FGF12: variants seen among roughly 807,000 people sequenced by gnomAD.
FGF12 encodes the protein fibroblast growth factor 12B.
FGF12 carries 14 observed loss-of-function variants against 23.6 expected under a neutral mutation model. The observed-to-expected ratio is 0.59, with a 90% CI of 0.39 to 0.93. The LOEUF is 0.93. Ranked by LOEUF, FGF12 falls within the 40% of genes least tolerant of loss-of-function variation. The pLI is 0.00. For synonymous variants in FGF12, 62 were observed against 77.3 expected, an observed-to-expected ratio of 0.80 and a Z score of 1.04; for missense variants, 175 against 217.8, an observed-to-expected ratio of 0.80 and a Z score of 1.24.
intron 4 of FGF12, among the ~76,000 whole-genome samples, chr3:192,213,987 G>A (rs556692690): frequency 6.6e-6 from 1 of 152,116 alleles, no homozygotes; most frequent in Non-Finnish European, 1.5e-5. Flanking sequence ...AAAGGGAGGG[G>A]CTTTTTTTTA....
intron 2 of FGF12, among the ~76,000 whole-genome samples, chr3:192,569,616 G>A (rs527251921): frequency 6.6e-6 from 1 of 152,316 alleles, no homozygotes; most frequent in East Asian, 1.9e-4. Context: ...GGGAACTGAA[G>A]TAAGATTTAT....
At chr3:192,393,337 T>A (rs947673504) in intron 2 of FGF12, among the ~76,000 whole-genome samples, 12 of 152,206 alleles carry the variant, frequency 7.9e-5, no homozygotes, top group African/African-American at 2.9e-4. Context: ...CTCAACTCAC[T>A]TGTAAATAGG....
chr3:192,662,454 T>C (rs1232633888), intron 2 of FGF12, among the ~76,000 whole-genome samples: 1 of 152,176 alleles, frequency 6.6e-6, no homozygotes, highest in Non-Finnish European at 1.5e-5. Context: ...TAAAATGCTC[T>C]TTCTCAGGGA....
chr3:192,273,870 A>G lies in FGF12; in HGVS notation c.228+61491T>C, dbSNP rs959276325. On this transcript the variant is annotated intron_variant, in intron 4 of 5. Coordinates refer to ENST00000445105, the MANE Select transcript of FGF12 (RefSeq NM_004113.6). ...TCCTTCCTGCTCAGTGGACTGATTC[A>G]AGGATTTGAGTCTTCAGGATGTTAA... 3.3e-5 allele frequency among the ~76,000 whole-genome samples: 5 copies of G among 151,810 alleles called. No homozygotes were observed. The South Asian group carries it at 1.0e-3, about 32-fold the overall frequency.
intron 2 of FGF12, among the ~76,000 whole-genome samples, chr3:192,368,968 C>T (rs916411054): frequency 2.0e-5 from 3 of 152,178 alleles, no homozygotes; most frequent in African/African-American, 4.8e-5. Context: ...AGCTTTCTTC[C>T]ACAGGGTCTT....
At chr3:192,182,102 G>A (rs1716211384) in intron 4 of FGF12, among the ~76,000 whole-genome samples, 1 of 152,074 alleles carries the variant, frequency 6.6e-6, no homozygotes, top group South Asian at 2.1e-4. Context: ...ATTAATTATA[G>A]GCTGGATACT....
At chr3:192,372,175 C>T (rs1719263846) in intron 2 of FGF12, among the ~76,000 whole-genome samples, 1 of 152,156 alleles carries the variant, frequency 6.6e-6, no homozygotes, top group Non-Finnish European at 1.5e-5. Flanking sequence ...ATGAACAGGA[C>T]ACATTATTTG....
intron 2 of FGF12, among the ~76,000 whole-genome samples, chr3:192,473,975 C>T (rs1047949445): frequency 2.0e-5 from 3 of 152,170 alleles, no homozygotes; most frequent in Non-Finnish European, 2.9e-5. Flanking sequence ...TGCCCTGAAG[C>T]GCTCATGGTG....
chr3:192,660,170 C>T (rs554571811), intron 2 of FGF12, among the ~76,000 whole-genome samples: 37 of 150,864 alleles, frequency 2.5e-4, no homozygotes, highest in African/African-American at 8.5e-4. Context: ...CCATGGAATA[C>T]TATGCAGCCA....
intron 2 of FGF12, among the ~76,000 whole-genome samples, chr3:192,467,521 G>C (rs2108811609): frequency 6.7e-6 from 1 of 150,294 alleles, no homozygotes; most frequent in African/African-American, 2.5e-5. Flanking sequence ...GTGCTGAAGA[G>C]GAAAACGTGG....
intron 5 of FGF12, among the ~76,000 whole-genome samples, chr3:192,160,850 A>C (rs905710927): frequency 6.6e-6 from 1 of 152,140 alleles, no homozygotes; most frequent in African/African-American, 2.4e-5. Context: ...ACTTTATCTA[A>C]GGTCCTAAAC....
In FGF12 at chr3:192,633,791, G is replaced by A. The variant is rs533779194; in HGVS notation, c.13+93390C>T. Among the ~76,000 whole-genome samples the A allele has an allele frequency of 3.3e-5, 5 of 152,260 alleles. 1 individual carries two copies. The South Asian group carries it at 6.2e-4, about 19-fold the overall frequency. ...CAACAGCTGAAAGTTTAGGGTTTTT[G>A]TTGCTCATGATACCCGAACTGGACA... On this transcript the variant is annotated intron_variant, in intron 2 of 5. Coordinates refer to ENST00000445105, the MANE Select transcript of FGF12 (RefSeq NM_004113.6).
At chr3:192,379,088 A>T (rs1166592735) in intron 2 of FGF12, among the ~76,000 whole-genome samples, 2 of 152,144 alleles carry the variant, frequency 1.3e-5, no homozygotes, top group Non-Finnish European at 2.9e-5. Flanking sequence ...GACACGATTT[A>T]AATTTTTTCT....
chr3:192,553,692 C>T (rs1029627581), intron 2 of FGF12, among the ~76,000 whole-genome samples: 2 of 152,096 alleles, frequency 1.3e-5, no homozygotes, highest in African/African-American at 4.8e-5. Context: ...ACACCATAGT[C>T]CCCCCAACCC....
At chr3:192,175,005 T>C (rs1019294327) in intron 4 of FGF12, among the ~76,000 whole-genome samples, 2 of 152,204 alleles carry the variant, frequency 1.3e-5, no homozygotes, top group African/African-American at 4.8e-5. Context: ...CATGTTTATA[T>C]CTGCTCCAAC....
intron 2 of FGF12, among the ~76,000 whole-genome samples, chr3:192,452,949 G>T (rs949522233): frequency 6.6e-6 from 1 of 151,988 alleles, no homozygotes; most frequent in African/African-American, 2.4e-5. Context: ...TACCTAATGT[G>T]CCTGTTTCTT....
At chr3:192,692,959 C>A (rs886708473) in intron 2 of FGF12, among the ~76,000 whole-genome samples, 1 of 149,586 alleles carries the variant, frequency 6.7e-6, no homozygotes. Flanking sequence ...GAAGTACCAG[C>A]AAGAATAACC....
At chr3:192,303,420 T>A (rs1715452961) in intron 4 of FGF12, among the ~76,000 whole-genome samples, 1 of 152,096 alleles carries the variant, frequency 6.6e-6, no homozygotes, top group Non-Finnish European at 1.5e-5. Flanking sequence ...AGATAGCAAC[T>A]CCTCCTAGCA....
rs1219450843 is a variant in FGF12 at position 192,409,952 on chromosome 3, T to A, written c.14-49414A>T. ...CAGGCCCGGGAGGGGGCGCTCAGGG[T>A]GGAGTCCCATTCATGGGCTGAGGCT... is the stretch of plus-strand genomic sequence containing the variant. On this transcript the variant is annotated intron_variant, in intron 2 of 5. Coordinates refer to ENST00000445105, the MANE Select transcript of FGF12 (RefSeq NM_004113.6). The surrounding 1 kb of genome is among the most constrained non-coding windows in gnomAD (Gnocchi z 4.8). 6.6e-6 allele frequency among the ~76,000 whole-genome samples: 1 copy of A among 151,198 alleles called. No individual in the cohort carries two copies. The highest frequency in any genetic ancestry group is 2.4e-5 in the African/African-American group (1 of 41,146).
Sources: gnomAD v4.1 joint callset for allele counts (sites outside exome capture counted in the v4.1 genomes callset) on GRCh38, gnomAD v4.1.1 for gene constraint, Gnocchi (gnomAD v3.1) non-coding constraint, MANE v1.5 for transcripts, NCBI Gene and HGNC (gene_info 2026-07-23, HGNC 2026-07-21) for gene names.